ETV6: variants seen among roughly 807,000 people sequenced by gnomAD.
ETV6 encodes the protein ETS variant transcription factor 6.
ETV6 carries 16 observed loss-of-function variants against 51.1 expected under a neutral mutation model. That is an observed-to-expected ratio of 0.31 (90% CI 0.21 to 0.48). ETV6 has a LOEUF of 0.48. ETV6 is among the 20% of genes least tolerant of loss of function. The probability of loss-of-function intolerance (pLI) is 0.99; values close to 1 mark genes in which losing one functional copy is unlikely to be tolerated. For synonymous variants in ETV6, 240 were observed against 224.1 expected (o/e 1.07, Z -0.64); for missense variants, 458 against 594.8 (o/e 0.77, Z 2.39).
chr12:11,774,418 G>C (rs1945289091), intron 2 of ETV6, among the ~76,000 whole-genome samples: 1 of 152,204 alleles, frequency 6.6e-6, no homozygotes, highest in South Asian at 2.1e-4. Context: ...TCAAAGGCTG[G>C]ATGTAGGTGA....
intron 1 of ETV6, among the ~76,000 whole-genome samples, chr12:11,680,575 C>T (rs1285272697): frequency 6.6e-6 from 1 of 152,218 alleles, no homozygotes; most frequent in African/African-American, 2.4e-5. Flanking sequence ...GATTAACTCT[C>T]TCCATTAAAG....
At chr12:11,746,790 CTTTTTTT>C (rs56135545) in intron 1 of ETV6, among the ~76,000 whole-genome samples, 2 of 118,674 alleles carry the variant, frequency 1.7e-5, no homozygotes, top group Admixed American at 8.7e-5. Context: ...CTCTCTCTCT[CTTTTTTT>C]TTTTTTTTTT....
At chr12:11,823,768 A>G (rs1691923748) in intron 2 of ETV6, among the ~76,000 whole-genome samples, 1 of 151,986 alleles carries the variant, frequency 6.6e-6, no homozygotes, top group African/African-American at 2.4e-5. Flanking sequence ...CCCGGCCAGT[A>G]ATTCCTTCTA....
Position 11,827,078 on chromosome 12 carries a change from A to T in ETV6, c.164-12062A>T, listed in dbSNP as rs866809711. On this transcript the variant is annotated intron_variant, in intron 2 of 7. Transcript: ENST00000396373. ...ATAGAGAGAAGTCTGTCTCACACAC[A>T]CACACACACACACACACACACACAC... 4.9e-3 allele frequency among the ~76,000 whole-genome samples: 686 copies of T among 139,062 alleles called. 2 individuals are homozygous for T. The highest frequency in any genetic ancestry group is 0.017 in the African/African-American group (608 of 35,444). The allele number at this position is 139,062 out of a possible 152,430, so 91.2% of individuals were successfully genotyped here. A position where few individuals can be genotyped will look rare whatever the true frequency, so the allele number is the denominator to read the frequency against.
intron 2 of ETV6, among the ~76,000 whole-genome samples, chr12:11,800,833 C>G (rs1945737784): frequency 6.6e-6 from 1 of 152,110 alleles, no homozygotes; most frequent in Admixed American, 6.5e-5. Flanking sequence ...AATAGGGAGG[C>G]TTAGTTGGGG....
intron 5 of ETV6, among the ~76,000 whole-genome samples, chr12:11,875,510 T>C (rs1946969186): frequency 6.6e-6 from 1 of 152,210 alleles, no homozygotes; most frequent in African/African-American, 2.4e-5. Context: ...CCAGTGTGTT[T>C]CAAAGCCAGA....
intron 1 of ETV6, among the ~76,000 whole-genome samples, chr12:11,696,999 T>C (rs2120820376): frequency 6.6e-6 from 1 of 152,366 alleles, no homozygotes; most frequent in South Asian, 2.1e-4. Flanking sequence ...AGATAAGTTA[T>C]AGAAAAATTG....
chr12:11,666,772 A>G (rs935080590), intron 1 of ETV6, among the ~76,000 whole-genome samples: 1 of 151,976 alleles, frequency 6.6e-6, no homozygotes. Context: ...TTTCCCCGAA[A>G]CCGTCACAAG....
At position 11,702,666 on chromosome 12, in the gene ETV6, A is replaced by G. The variant is rs536028107; in HGVS notation, c.34-49784A>G. Among the ~76,000 whole-genome samples, 6 of 152,176 alleles carry G rather than the reference A, an allele frequency of 3.9e-5. No individual in the cohort carries two copies. In the East Asian group the frequency reaches 7.7e-4, roughly 20 times the overall value. ...CAAGGGTATAAACATACTTTGAGTC[A>G]TCAGAACCTACCTAGTGGTCCATAG... On this transcript the variant is annotated intron_variant, in intron 1 of 7. Transcript: ENST00000396373.
chr12:11,831,147 G>A (rs539028608), intron 2 of ETV6, among the ~76,000 whole-genome samples: 2 of 152,206 alleles, frequency 1.3e-5, no homozygotes, highest in African/African-American at 2.4e-5. Flanking sequence ...CTGATGAGGC[G>A]ATATTGGGGA....
At chr12:11,690,572 C>G (rs139336111) in intron 1 of ETV6, among the ~76,000 whole-genome samples, 2 of 151,902 alleles carry the variant, frequency 1.3e-5, no homozygotes, top group African/African-American at 4.8e-5. Context: ...GCCAGGACAA[C>G]GGAGCAAGAC....
chr12:11,715,430 C>G (rs1374166675), intron 1 of ETV6, among the ~76,000 whole-genome samples: 1 of 152,138 alleles, frequency 6.6e-6, no homozygotes, highest in Non-Finnish European at 1.5e-5. Flanking sequence ...CTCATTATCA[C>G]CTTCAATCCT....
intron 1 of ETV6, among the ~76,000 whole-genome samples, chr12:11,751,644 T>G (rs767193161): frequency 1.3e-5 from 2 of 152,206 alleles, no homozygotes; most frequent in African/African-American, 2.4e-5. Context: ...TTGTTTGAAT[T>G]CAAATGGAGG....
intron 1 of ETV6, among the ~76,000 whole-genome samples, chr12:11,717,961 C>T (rs1248708712): frequency 6.6e-6 from 1 of 152,146 alleles, no homozygotes; most frequent in Non-Finnish European, 1.5e-5. Context: ...AGCCCCTTAC[C>T]TCATGCAAAT....
chr12:11,835,271 T>A (rs529722259), intron 2 of ETV6, among the ~76,000 whole-genome samples: 8 of 152,362 alleles, frequency 5.3e-5, no homozygotes, highest in African/African-American at 1.7e-4. Flanking sequence ...TTAAAAATGC[T>A]GATCTTAGTA....
At chr12:11,683,668 A>G (rs2856315) in intron 1 of ETV6, among the ~76,000 whole-genome samples, 15,474 of 152,154 alleles carry the variant, frequency 0.1, 952 homozygotes, top group African/African-American at 0.18. Context: ...TTGTAAGTCT[A>G]TTTCTTTCTT....
intron 1 of ETV6, among the ~76,000 whole-genome samples, chr12:11,740,737 C>T (rs1247123839): frequency 3.9e-5 from 6 of 152,068 alleles, no homozygotes; most frequent in Non-Finnish European, 5.9e-5. Flanking sequence ...ATAAATACGC[C>T]GGGTTCTTGA....
At chr12:11,758,388 T>TG (rs1311735892) in intron 2 of ETV6, among the ~76,000 whole-genome samples, 1 of 152,202 alleles carries the variant, frequency 6.6e-6, no homozygotes, top group Non-Finnish European at 1.5e-5. Context: ...GGCTTCCCCA[T>TG]GCAGGAGCCA....
chr12:11,789,220 G>C (rs1945540737), intron 2 of ETV6, among the ~76,000 whole-genome samples: 1 of 152,092 alleles, frequency 6.6e-6, no homozygotes, highest in African/African-American at 2.4e-5. Flanking sequence ...TTTTAGTAGA[G>C]ACGGGTTTTC....
Sources: allele counts gnomAD v4.1 joint callset (sites outside exome capture counted in the v4.1 genomes callset), GRCh38; gene constraint gnomAD v4.1.1; transcripts MANE v1.5; gene names NCBI Gene and HGNC (gene_info 2026-07-23, HGNC 2026-07-21).